The following LRIG1 variants were observed in gnomAD, a reference collection of about 807,000 sequenced individuals.
LRIG1 encodes the protein leucine-rich repeats and immunoglobulin-like domains protein 1.
A neutral mutation model predicts 99.2 loss-of-function variants in LRIG1; 48 were observed. That is an observed-to-expected ratio of 0.48 (90% confidence interval 0.38 to 0.62). LRIG1 has a LOEUF of 0.62. Ranked by LOEUF, LRIG1 falls within the 20% of genes least tolerant of loss-of-function variation. The pLI, the probability that LRIG1 is intolerant of heterozygous loss-of-function variation, is 0.00. For missense variants in LRIG1, 1,646 were observed against 1,434.4 expected, an observed-to-expected ratio of 1.15 and a Z score of -2.38; for synonymous variants, 772 against 596.1, an observed-to-expected ratio of 1.29 and a Z score of -4.30.
intron 13 of LRIG1, 86 bp downstream of exon 13, chr3:66,385,895 G>GGAC: frequency 8.2e-7 from 1 of 1,225,374 alleles, no homozygotes; most frequent in Non-Finnish European, 1.2e-6. Context: ...TCCTGTCTCA[G>GGAC]TCATCTCTAC....
At chr3:66,398,581 C>A (rs1701941159) in intron 10 of LRIG1, among the ~76,000 whole-genome samples, 1 of 152,234 alleles carries the variant, frequency 6.6e-6, no homozygotes, top group African/African-American at 2.4e-5. Context: ...TGGTTCAGCC[C>A]AGCACCTACT....
At chr3:66,460,544 GAC>G (rs1266672817) in intron 2 of LRIG1, among the ~76,000 whole-genome samples, 3 of 152,170 alleles carry the variant, frequency 2.0e-5, no homozygotes, top group African/African-American at 7.2e-5. Flanking sequence ...AGGAAATCTG[GAC>G]ACACACAGAG....
At position 66,500,461 on chromosome 3, in the gene LRIG1, G is replaced by A. The variant is rs1352289682; in HGVS notation, c.-54C>T. The A allele has an allele frequency of 8.0e-6, 9 of 1,118,664 alleles. No individual in the cohort carries two copies. In the South Asian group the frequency reaches 1.5e-4, roughly 19 times the overall value. The allele number at this position is 1,118,664 out of a possible 1,614,324, so 69.3% of individuals were successfully genotyped here. ...GCGCGGGGACTGTGAGGACCCGAAC[G>A]GCCGCAGACGCGGGCGGGCCCGCGG... On this transcript the variant is annotated 5_prime_UTR_variant, in exon 1 of 19. Transcript: ENST00000273261.
At chr3:66,447,789 A>G (rs1401494647) in intron 3 of LRIG1, among the ~76,000 whole-genome samples, 1 of 152,220 alleles carries the variant, frequency 6.6e-6, no homozygotes, top group Non-Finnish European at 1.5e-5. Context: ...CAGCAACACC[A>G]CCGGAAAAAC....
intron 1 of LRIG1, among the ~76,000 whole-genome samples, chr3:66,499,541 G>A (rs1004246613): frequency 3.9e-5 from 6 of 152,116 alleles, no homozygotes; most frequent in Non-Finnish European, 8.8e-5. Context: ...CTCACAGGTC[G>A]CCAGGAACTG....
intron 17 of LRIG1, 28 bp downstream of exon 17, chr3:66,381,451 A>T: frequency 9.4e-6 from 15 of 1,596,756 alleles, no homozygotes; most frequent in Non-Finnish European, 1.1e-5. Flanking sequence ...TCAGAAAGAA[A>T]CTACTTCCAA....
chr3:66,492,612 C>T (rs1464984210), intron 1 of LRIG1, among the ~76,000 whole-genome samples: 1 of 152,084 alleles, frequency 6.6e-6, no homozygotes, highest in Non-Finnish European at 1.5e-5. Context: ...AGTTCAAAAA[C>T]TAATCAACGC....
rs776321570 is a variant in LRIG1 at position 66,380,372 on chromosome 3, G to GAAAC, written c.3169_3172dup (p.Ser1058CysfsTer11). 1.9e-6 allele frequency: 3 copies of GAAAC among 1,614,202 alleles called. No homozygotes were observed. The Admixed American group carries it at 5.0e-5, about 27-fold the overall frequency. On this transcript the variant is annotated frameshift_variant, in exon 19 of 19. Coordinates refer to ENST00000273261, the MANE Select transcript of LRIG1 (RefSeq NM_015541.3). LOFTEE classifies it high-confidence loss of function. The stretch of plus-strand genomic sequence containing the variant: ...ACATGCTTTGGGGAGGTGGCCATTG[G>GAAAC]AAACAAGCAAGTACTGGGCTTCCGC...
intron 12 of LRIG1, among the ~76,000 whole-genome samples, chr3:66,388,603 A>G (rs1320626802): frequency 1.3e-5 from 2 of 152,206 alleles, no homozygotes; most frequent in East Asian, 1.9e-4. Flanking sequence ...TTGAAAACGC[A>G]AAAGAGGAGC....
intron 3 of LRIG1, among the ~76,000 whole-genome samples, chr3:66,428,392 G>T (rs1389713338): frequency 4.6e-5 from 7 of 152,036 alleles, no homozygotes; most frequent in Non-Finnish European, 8.8e-5. Flanking sequence ...TATAGCCTGG[G>T]GCCACCGAAC....
chr3:66,479,191 G>A (rs981689239), intron 1 of LRIG1, among the ~76,000 whole-genome samples: 4 of 152,348 alleles, frequency 2.6e-5, no homozygotes, highest in Admixed American at 6.5e-5. Flanking sequence ...GCAAAGCTCC[G>A]TCGGCAAAGG....
At chr3:66,461,318 A>G (rs1365173135) in intron 2 of LRIG1, among the ~76,000 whole-genome samples, 1 of 152,176 alleles carries the variant, frequency 6.6e-6, no homozygotes, top group Non-Finnish European at 1.5e-5. Context: ...CAAACAAACA[A>G]ACAAACAAAA....
At chr3:66,386,577 C>T (rs576614693) in intron 12 of LRIG1, 16 of 384,860 alleles carry the variant, frequency 4.2e-5, no homozygotes, top group East Asian at 2.0e-4. Flanking sequence ...ACCAGCCAGC[C>T]GGCAGTTTCC....
At chr3:66,487,308 C>A (rs1361093675) in intron 1 of LRIG1, among the ~76,000 whole-genome samples, 1 of 152,082 alleles carries the variant, frequency 6.6e-6, no homozygotes, top group Non-Finnish European at 1.5e-5. Context: ...GAAAACAGAC[C>A]CTCAGCACAA....
chr3:66,441,021 G>C (rs1703519949), intron 3 of LRIG1, among the ~76,000 whole-genome samples: 1 of 152,134 alleles, frequency 6.6e-6, no homozygotes, highest in Admixed American at 6.6e-5. Context: ...ACCGCTACGT[G>C]GAAAAGGAGC....
intron 1 of LRIG1, among the ~76,000 whole-genome samples, chr3:66,496,771 G>C (rs1701237108): frequency 6.6e-6 from 1 of 152,236 alleles, no homozygotes; most frequent in Non-Finnish European, 1.5e-5. Context: ...TTAGGTTCCA[G>C]AACAATTTGG....
chr3:66,383,033 T>G lies in LRIG1; in HGVS notation c.2440A>C (p.Ile814Leu). 3 of 1,614,204 alleles carry G rather than the reference T, an allele frequency of 1.9e-6. No homozygotes were observed. Among genetic ancestry groups the G allele is most frequent in the Non-Finnish European group, 2.5e-6 (3 of 1,180,024 alleles). ...IVLTSLVWVC[I>L]IYQTRKKSEE... ...CTCTTCTTCCTGGTCTGGTAGATGA[T>G]GCACACCCAGACCAGTGACGTCAGG... is the stretch of plus-strand genomic sequence containing the variant. The change falls in exon 15 of 19, where the codon ATC becomes CTC. Residue 814 changes from isoleucine (I) to leucine (L), a missense_variant. Ile to Leu is a conservative substitution (Grantham distance 5, BLOSUM62 2). Coordinates refer to ENST00000273261, the MANE Select transcript of LRIG1 (RefSeq NM_015541.3).
intron 1 of LRIG1, among the ~76,000 whole-genome samples, chr3:66,465,127 A>G (rs1443013589): frequency 6.6e-6 from 1 of 152,172 alleles, no homozygotes; most frequent in African/African-American, 2.4e-5. Context: ...AAAAAAGAAG[A>G]CAGCCACCAA....
intron 2 of LRIG1, among the ~76,000 whole-genome samples, 172 bp downstream of exon 2, chr3:66,462,266 G>T (rs1700371758): frequency 6.6e-6 from 1 of 152,168 alleles, no homozygotes; most frequent in Admixed American, 6.5e-5. Context: ...AGAGCCTACA[G>T]TAAGGGAGAG....
Sources: allele counts gnomAD v4.1 joint callset (sites outside exome capture counted in the v4.1 genomes callset), GRCh38; gene constraint gnomAD v4.1.1; transcripts MANE v1.5; gene names NCBI Gene and HGNC (gene_info 2026-07-23, HGNC 2026-07-21).